The following MIS18A variants were observed in gnomAD, a reference collection of about 807,000 sequenced individuals.
The protein encoded by MIS18A is protein Mis18-alpha.
MIS18A carries 14 observed loss-of-function variants against 25.0 expected under a neutral mutation model. The ratio of observed to expected loss-of-function variants is 0.56; its 90% CI spans 0.37 to 0.88. The LOEUF (loss-of-function observed/expected upper bound fraction) is 0.88. Among genes scored for constraint, MIS18A ranks in the 40% least tolerant of loss-of-function variants. MIS18A has a pLI of 0.00. For synonymous variants in MIS18A, 134 were observed against 118.6 expected, an observed-to-expected ratio of 1.13 and a Z score of -0.84; for missense variants, 292 against 290.8, an observed-to-expected ratio of 1.00 and a Z score of -0.03.
At chr21:32,213,122 A>C in the MIS18A span, among the ~76,000 whole-genome samples, 6 of 152,316 alleles carry the variant, frequency 3.9e-5, no homozygotes, top group East Asian at 9.6e-4. Flanking sequence ...ATCTAACCAA[A>C]TTTTAAAAAA....
chr21:32,177,759 A>G, the MIS18A span, among the ~76,000 whole-genome samples: 26 of 152,098 alleles, frequency 1.7e-4, no homozygotes, highest in African/African-American at 5.8e-4. Flanking sequence ...AATATTGCTA[A>G]TATTATATTA....
At chr21:32,156,096 C>T in the MIS18A span, among the ~76,000 whole-genome samples, 6 of 152,128 alleles carry the variant, frequency 3.9e-5, no homozygotes, top group South Asian at 8.3e-4. Flanking sequence ...TTTCCTTGAC[C>T]CTTTTTTAAC....
chr21:32,158,213 G>C, the MIS18A span, among the ~76,000 whole-genome samples: 1 of 151,998 alleles, frequency 6.6e-6, no homozygotes, highest in East Asian at 1.9e-4. Flanking sequence ...TAGATAATTA[G>C]TAAAAGTTAC....
chr21:32,219,902 A>G, the MIS18A span, among the ~76,000 whole-genome samples: 1 of 152,124 alleles, frequency 6.6e-6, no homozygotes, highest in Non-Finnish European at 1.5e-5. Context: ...CGGCAAAACC[A>G]CTGTAGCCAG....
At chr21:32,178,227 AT>A in the MIS18A span, among the ~76,000 whole-genome samples, 10 of 151,560 alleles carry the variant, frequency 6.6e-5, no homozygotes, top group African/African-American at 1.5e-4. Context: ...ATTTCCAGCA[AT>A]TTTTTTTTAT....
chr21:32,169,666 T>C, the MIS18A span, among the ~76,000 whole-genome samples: 1 of 152,070 alleles, frequency 6.6e-6, no homozygotes, highest in Non-Finnish European at 1.5e-5. Flanking sequence ...ACACTGAAGA[T>C]ATACCCCGAC....
the MIS18A span, among the ~76,000 whole-genome samples, chr21:32,196,156 T>C: frequency 6.6e-6 from 1 of 152,152 alleles, no homozygotes; most frequent in Admixed American, 6.5e-5. Context: ...GGATTACCAT[T>C]TGAACTGGTA....
chr21:32,270,967 C>T (rs2031704497), intron 2 of MIS18A, among the ~76,000 whole-genome samples: 1 of 152,090 alleles, frequency 6.6e-6, no homozygotes, highest in South Asian at 2.1e-4. Context: ...AATGGGTGCC[C>T]GCCCCATGGG....
chr21:32,203,799 T>C, the MIS18A span, among the ~76,000 whole-genome samples: 308 of 151,938 alleles, frequency 2.0e-3, 1 homozygote, highest in African/African-American at 7.1e-3. Context: ...TGTATTTTTT[T>C]GTAGAGACAA....
At chr21:32,222,092 G>A in the MIS18A span, among the ~76,000 whole-genome samples, 1 of 151,670 alleles carries the variant, frequency 6.6e-6, no homozygotes, top group African/African-American at 2.4e-5. Flanking sequence ...AAGGGATGGA[G>A]GAATATTTAC....
At chr21:32,191,834 G>T in the MIS18A span, among the ~76,000 whole-genome samples, 5 of 152,084 alleles carry the variant, frequency 3.3e-5, no homozygotes, top group African/African-American at 1.2e-4. Context: ...CAACCCGGGA[G>T]GTGGAGGTTG....
the MIS18A span, among the ~76,000 whole-genome samples, chr21:32,188,411 T>C: frequency 0.011 from 1,707 of 152,294 alleles, 29 homozygotes; most frequent in African/African-American, 0.032. Flanking sequence ...GCAAGTTACA[T>C]TGCAAGAGAG....
chr21:32,156,331 C>T, the MIS18A span: 1 of 152,032 alleles, frequency 6.6e-6, no homozygotes, highest in Admixed American at 6.6e-5. Flanking sequence ...ATAGAGGTAG[C>T]TTTAGTTAAT....
At chr21:32,162,947 T>C in the MIS18A span, among the ~76,000 whole-genome samples, 1 of 152,290 alleles carries the variant, frequency 6.6e-6, no homozygotes, top group Middle Eastern at 3.4e-3. Flanking sequence ...GAGTGAAGAA[T>C]TGGCTTAATC....
the MIS18A span, among the ~76,000 whole-genome samples, chr21:32,183,166 TTC>T: frequency 1.1e-4 from 16 of 152,288 alleles, no homozygotes; most frequent in African/African-American, 3.8e-4. Context: ...ACACACCAAC[TTC>T]TTAGTCCATT....
At chr21:32,242,007 T>C in the MIS18A span, among the ~76,000 whole-genome samples, 1 of 152,026 alleles carries the variant, frequency 6.6e-6, no homozygotes, top group Non-Finnish European at 1.5e-5. Context: ...GCCTCCCGAG[T>C]AGCTGGGACT....
At chr21:32,156,946 T>C in the MIS18A span, among the ~76,000 whole-genome samples, 1 of 152,092 alleles carries the variant, frequency 6.6e-6, no homozygotes, top group African/African-American at 2.4e-5. Flanking sequence ...TCTAGGTACT[T>C]CACTTGGTAT....
At position 32,269,003 on chromosome 21, in the gene MIS18A, G is replaced by A. The variant is rs1430550410; in HGVS notation, c.*34C>T. The A allele has an allele frequency of 4.2e-6, 6 of 1,430,526 alleles. No homozygotes were observed. The highest frequency in any genetic ancestry group is 4.1e-5 in the South Asian group (3 of 73,748). The allele number at this position is 1,430,526 out of a possible 1,614,324, so 88.6% of individuals were successfully genotyped here. Reference sequence around the variant, plus strand: ...TTCATTTAACAAATAAGGGGAGGAAGGGCGGGGGCAGAATGGAGGACACAG... The same window carrying A: ...TTCATTTAACAAATAAGGGGAGGAAAGGCGGGGGCAGAATGGAGGACACAG... On this transcript the variant is annotated 3_prime_UTR_variant, in exon 5 of 5. Coordinates refer to ENST00000290130, the MANE Select transcript of MIS18A (RefSeq NM_018944.3).
chr21:32,188,003 G>GTCTCTCTCTCTC, the MIS18A span, among the ~76,000 whole-genome samples: 296 of 150,084 alleles, frequency 2.0e-3, 1 homozygote, highest in African/African-American at 5.9e-3. Context: ...CTCCCTTTCT[G>GTCTCTCTCTCTC]TCTCTCTCTC....
Sources: allele counts gnomAD v4.1 joint callset (sites outside exome capture counted in the v4.1 genomes callset), GRCh38; gene constraint gnomAD v4.1.1; transcripts MANE v1.5; gene names NCBI Gene and HGNC (gene_info 2026-07-23, HGNC 2026-07-21).